The following DNM3 variants were observed in gnomAD, a reference collection of about 807,000 sequenced individuals.
DNM3 encodes dynamin-3.
In DNM3, 47 loss-of-function variants were observed where a neutral mutation model predicts 101.6. The ratio of observed to expected loss-of-function variants is 0.46; its 90% CI spans 0.37 to 0.59. DNM3 has a LOEUF of 0.59. Ranked by LOEUF, DNM3 falls within the 20% of genes least tolerant of loss-of-function variation. DNM3 has a pLI of 0.00. For synonymous variants in DNM3, 385 were observed against 387.9 expected, an observed-to-expected ratio of 0.99 and a Z score of 0.09; for missense variants, 849 against 1,085.7, an observed-to-expected ratio of 0.78 and a Z score of 3.06.
chr1:172,042,462 C>T (rs926718530), intron 8 of DNM3, among the ~76,000 whole-genome samples: 4 of 152,054 alleles, frequency 2.6e-5, no homozygotes, highest in Non-Finnish European at 5.9e-5. Flanking sequence ...CAGAGAAGAC[C>T]CTTGCTTGTC....
intron 14 of DNM3, among the ~76,000 whole-genome samples, chr1:172,146,522 T>G (rs1285301308): frequency 3.9e-5 from 6 of 152,152 alleles, no homozygotes; most frequent in African/African-American, 1.4e-4. Context: ...ACCTATTCAA[T>G]AGTGCTTGCA....
Position 172,388,626 on chromosome 1 carries a change from T to A in DNM3, c.2339T>A (p.Leu780His). 7 of 1,613,984 alleles carry A rather than the reference T, an allele frequency of 4.3e-6. No individual in the cohort carries two copies. The highest frequency in any genetic ancestry group is 5.1e-6 in the Non-Finnish European group (6 of 1,179,872). ...AGGAGGCCAACACTAAGTGCTCCCCTCGCAAGGCCCACATCCGGCCGAGGA... is the reference window on the plus strand; with the variant it reads ...AGGAGGCCAACACTAAGTGCTCCCCACGCAAGGCCCACATCCGGCCGAGGA... ...TQRRPTLSAPLARPTSGRGPA... is the reference protein window; with the variant it reads ...TQRRPTLSAPHARPTSGRGPA... Residue 780 changes from leucine (L) to histidine (H), a missense_variant, in exon 20 of 21, where the codon CTC becomes CAC. Around this residue, in one of 5 missense-constraint regions of DNM3, gnomAD observed 256 missense variants for 311.7 expected, o/e 0.82. Transcript: ENST00000627582.
At chr1:172,212,217 A>C (rs1186562468) in intron 14 of DNM3, among the ~76,000 whole-genome samples, 1 of 152,150 alleles carries the variant, frequency 6.6e-6, no homozygotes, top group Non-Finnish European at 1.5e-5. Context: ...GTCGATTATG[A>C]GATTTCTAAT....
In DNM3 at chr1:171,912,638, C is replaced by T. The variant is rs553557774; in HGVS notation, c.162-9110C>T. 5.9e-5 allele frequency among the ~76,000 whole-genome samples: 9 copies of T among 152,280 alleles called. No homozygotes were observed. In the East Asian group the frequency reaches 7.7e-4, roughly 13 times the overall value. On this transcript the variant is annotated intron_variant, in intron 1 of 20. Transcript: ENST00000627582. ...AGGAAGGGTAAAAGTTACACATTAA[C>T]GAAATCAGAACCTTTTAAAGGAACT...
intron 14 of DNM3, among the ~76,000 whole-genome samples, chr1:172,221,144 T>C (rs1040284047): frequency 6.6e-6 from 1 of 152,100 alleles, no homozygotes; most frequent in Admixed American, 6.6e-5. Flanking sequence ...AGAAAAAGAA[T>C]GTATTATTAA....
At chr1:171,968,113 G>C (rs371850721) in intron 2 of DNM3, among the ~76,000 whole-genome samples, 11 of 152,272 alleles carry the variant, frequency 7.2e-5, no homozygotes, top group Middle Eastern at 3.4e-3. Context: ...GAATGAGATA[G>C]AGCAAATGAA....
chr1:171,930,378 C>T (rs1264112724), intron 2 of DNM3, among the ~76,000 whole-genome samples: 1 of 152,170 alleles, frequency 6.6e-6, no homozygotes, highest in Non-Finnish European at 1.5e-5. Context: ...TGGATTCAGC[C>T]TCTTTCCTAG....
intron 2 of DNM3, chr1:171,987,216 T>C: frequency 1.4e-6 from 1 of 717,352 alleles, no homozygotes; most frequent in Non-Finnish European, 1.7e-6. Flanking sequence ...TCCCTTAACT[T>C]ATTTTGCCTT....
chr1:171,989,734 C>G (rs1450708845), intron 4 of DNM3, among the ~76,000 whole-genome samples: 1 of 152,146 alleles, frequency 6.6e-6, no homozygotes, highest in Non-Finnish European at 1.5e-5. Flanking sequence ...TGAATAACGA[C>G]AGTTTATCTT....
chr1:172,121,687 A>G (rs1416196608), intron 13 of DNM3, among the ~76,000 whole-genome samples: 1 of 152,220 alleles, frequency 6.6e-6, no homozygotes, highest in Admixed American at 6.5e-5. Context: ...GTTCTGTTTA[A>G]TTTATAAAAT....
intron 16 of DNM3, among the ~76,000 whole-genome samples, chr1:172,315,863 G>GT (rs1478799767): frequency 1.3e-5 from 2 of 152,022 alleles, no homozygotes; most frequent in Non-Finnish European, 2.9e-5. Context: ...GCAGGCCAAC[G>GT]TTCAGATTCA....
chr1:172,306,367 C>G (rs753630631), intron 15 of DNM3, among the ~76,000 whole-genome samples: 10 of 151,912 alleles, frequency 6.6e-5, no homozygotes, highest in Non-Finnish European at 1.5e-4. Flanking sequence ...CACTGCTCAA[C>G]GAAATAAAAG....
chr1:172,133,473 G>C (rs1572652687), intron 14 of DNM3: 1 of 964,214 alleles, frequency 1.0e-6, no homozygotes. Flanking sequence ...GCAGGTGAGA[G>C]TGGAAATGAC....
chr1:171,980,099 T>G (rs1316193672), intron 2 of DNM3, among the ~76,000 whole-genome samples: 1 of 151,990 alleles, frequency 6.6e-6, no homozygotes, highest in Non-Finnish European at 1.5e-5. Flanking sequence ...GACCTCTAAC[T>G]TTTACCCACT....
At chr1:172,113,635 A>C (rs932842617) in intron 13 of DNM3, among the ~76,000 whole-genome samples, 1 of 151,262 alleles carries the variant, frequency 6.6e-6, no homozygotes, top group Admixed American at 6.6e-5. Context: ...AAAAAAAAAA[A>C]AAAAAAAAAC....
chr1:171,941,905 T>C (rs2041839947), intron 2 of DNM3, among the ~76,000 whole-genome samples: 1 of 152,200 alleles, frequency 6.6e-6, no homozygotes, highest in Non-Finnish European at 1.5e-5. Context: ...CAGATATCAA[T>C]ACATATAAAC....
chr1:172,289,761 G>C, intron 15 of DNM3: 1 of 985,102 alleles, frequency 1.0e-6, no homozygotes, highest in Non-Finnish European at 1.2e-6. Flanking sequence ...AGGTTGTTTA[G>C]TAAACAGTGT....
Position 172,379,034 on chromosome 1 carries a change from A to G in DNM3, c.1910A>G (p.Asn637Ser), listed in dbSNP as rs763939682. Residue 637 changes from asparagine to serine, a missense_variant, in exon 18 of 21, where the codon AAT (asparagine) becomes AGT (serine). Physicochemically the swap from Asn to Ser is conservative, Grantham distance 46. Transcript: ENST00000627582. ...TTCTTTTAGGCTGAAAATGATGAGA[A>G]TGGACAAGCAGAAAACTTTTCCATG... ...VGNNKAENDE[N>S]GQAENFSMDP... 4 of 1,611,772 alleles carry G rather than the reference A, an allele frequency of 2.5e-6. No homozygotes were observed. Among genetic ancestry groups the G allele is most frequent in the Non-Finnish European group, 3.4e-6 (4 of 1,178,794 alleles).
chr1:171,910,516 G>C (rs1055338563), intron 1 of DNM3, among the ~76,000 whole-genome samples: 5 of 152,190 alleles, frequency 3.3e-5, no homozygotes, highest in Non-Finnish European at 5.9e-5. Flanking sequence ...CTGCAGGTAA[G>C]GGGGAGCTAC....
Sources: gnomAD v4.1 joint callset for allele counts (sites outside exome capture counted in the v4.1 genomes callset) on GRCh38, gnomAD v4.1.1 for gene constraint, gnomAD v4.1.1 regional missense constraint, MANE v1.5 for transcripts, NCBI Gene and HGNC (gene_info 2026-07-23, HGNC 2026-07-21) for gene names.